Variants in DDR1 observed in about 807,000 individuals in gnomAD.
The protein encoded by DDR1 is discoidin domain receptor tyrosine kinase 1.
A neutral mutation model predicts 97.4 loss-of-function variants in DDR1; 64 were observed. The observed-to-expected ratio is 0.66, with a 90% CI of 0.54 to 0.81. The LOEUF (loss-of-function observed/expected upper bound fraction) is 0.81. Ranked by LOEUF, DDR1 falls within the 30% of genes least tolerant of loss-of-function variation. The pLI is 0.00. For synonymous variants in DDR1, 458 were observed against 503.7 expected (o/e 0.91, Z 1.21); for missense variants, 990 against 1,259.6 (o/e 0.79, Z 3.24).
At chr6:30,896,173 G>C (rs1790682253) in intron 12 of DDR1, among the ~76,000 whole-genome samples, 1 of 151,644 alleles carries the variant, frequency 6.6e-6, no homozygotes, top group South Asian at 2.1e-4. Context: ...CCCAGGGGGA[G>C]CCAGGCTGAA....
chr6:30,892,610 G>A (rs1425214855), intron 8 of DDR1, 68 bp downstream of exon 8: 1 of 1,500,306 alleles, frequency 6.7e-7, no homozygotes. Flanking sequence ...TAACCCTGCA[G>A]TGTCCCTAAA....
intron 8 of DDR1, 50 bp from the exon 9 acceptor site, chr6:30,893,018 G>C (rs375731129): frequency 6.6e-7 from 1 of 1,511,296 alleles, no homozygotes; most frequent in Non-Finnish European, 9.1e-7. Context: ...GCCTCCCTTG[G>C]GTCTCCTCCT....
Position 30,888,993 on chromosome 6 carries a change from T to G in DDR1, c.171T>G (p.Thr57=). The G allele has an allele frequency of 6.2e-7, 1 of 1,612,736 alleles. No individual in the cohort carries two copies. Among genetic ancestry groups the G allele is most frequent in the Non-Finnish European group, 8.5e-7 (1 of 1,179,934 alleles). ...CTTCCAGCTCCTGGTCAGATTCCACTGCCGCCCGCCACAGCAGGTACTTGG... is the reference window on the plus strand; with the variant it reads ...CTTCCAGCTCCTGGTCAGATTCCACGGCCGCCCGCCACAGCAGGTACTTGG... ...ISASSSWSDS[T]AARHSRLESS... Residue 57 remains threonine, a synonymous_variant, in exon 3 of 18, where the codon ACT becomes ACG. Transcript: ENST00000376568. This position sits in a 1 kb window ranked among gnomAD's most constrained non-coding sequence, Gnocchi z 4.2.
In DDR1 at chr6:30,897,384, A is replaced by G; in HGVS notation, c.2003A>G (p.Asp668Gly). ...AGCTTCTCCTTGTTCTCCAGGAATG[A>G]TTTCCTGAAAGAGGTGAAGATCATG... ...RPDATKNARN[D>G]FLKEVKIMSR... The change falls in exon 15 of 18, where the codon GAT becomes GGT. Residue 668 changes from aspartate (D) to glycine (G), a missense_variant. Asp to Gly is a moderately conservative substitution (Grantham distance 94). Transcript: ENST00000376568. This position sits in a 1 kb window ranked among gnomAD's most constrained non-coding sequence, Gnocchi z 5.2. The G allele has an allele frequency of 6.2e-7, 1 of 1,613,960 alleles. No homozygotes were observed. Among genetic ancestry groups the G allele is most frequent in the Non-Finnish European group, 8.5e-7 (1 of 1,179,988 alleles).
At chr6:30,885,443 C>T (rs2150231952) in intron 1 of DDR1, 1 of 846,460 alleles carries the variant, frequency 1.2e-6, no homozygotes, top group Non-Finnish European at 1.8e-6. Context: ...TATTGCCACT[C>T]TTCCCACCCA....
intron 12 of DDR1, among the ~76,000 whole-genome samples, 190 bp from the exon 13 acceptor site, chr6:30,896,429 TAA>T (rs1212933619): frequency 6.6e-6 from 1 of 152,100 alleles, no homozygotes; most frequent in Non-Finnish European, 1.5e-5. Context: ...CTGGAATAGC[TAA>T]CTCTCGTCCC....
rs1279748384 is a variant in DDR1, at chr6:30,900,146, G to A, written c.*850G>A. ...CTAGGCAGGTAATAATAAAGGTTGAGTTTTCCACAACTGTGTGAGTGGGTT... is the reference window on the plus strand; with the variant it reads ...CTAGGCAGGTAATAATAAAGGTTGAATTTTCCACAACTGTGTGAGTGGGTT... On this transcript the variant is annotated 3_prime_UTR_variant, in exon 18 of 18. Transcript: ENST00000376568. 1 of 568,918 alleles carries A rather than the reference G, an allele frequency of 1.8e-6. No homozygotes were observed. The highest frequency in any genetic ancestry group is 1.8e-5 in the African/African-American group (1 of 54,276). 35.2% of individuals were successfully genotyped at this position (568,918 alleles called of 1,614,324 possible).
intron 16 of DDR1, 117 bp from the exon 17 acceptor site, chr6:30,898,771 A>G (rs1791867772): frequency 9.0e-7 from 1 of 1,105,786 alleles, no homozygotes; most frequent in African/African-American, 1.6e-5. Flanking sequence ...GCCTGGCGTC[A>G]GGAGGGATCA....
rs2150480057 is a variant in DDR1 at position 30,899,137 on chromosome 6, C to T, written c.2602-19C>T. 1 of 1,614,194 alleles carries T rather than the reference C, an allele frequency of 6.2e-7. No homozygotes were observed. Among genetic ancestry groups the T allele is most frequent in the Non-Finnish European group, 8.5e-7 (1 of 1,180,010 alleles). Reference sequence around the variant, plus strand: ...AGAATATTTGTTCCCTGACTCTCATCCACACTGCCACAATGCAGGTGTACC... The same window carrying T: ...AGAATATTTGTTCCCTGACTCTCATTCACACTGCCACAATGCAGGTGTACC... On this transcript the variant is annotated intron_variant, in intron 17 of 17. Coordinates refer to ENST00000376568, the MANE Select transcript of DDR1 (RefSeq NM_001297654.2).
chr6:30,898,221 C>G lies in DDR1; in HGVS notation c.2365C>G (p.Arg789Gly). The G allele has an allele frequency of 1.2e-6, 2 of 1,614,228 alleles. No individual in the cohort carries two copies. The highest frequency in any genetic ancestry group is 1.7e-6 in the Non-Finnish European group (2 of 1,180,042). Residue 789 changes from arginine (R) to glycine (G), a missense_variant, in exon 16 of 18, where the codon CGG becomes GGG. Coordinates refer to ENST00000376568, the MANE Select transcript of DDR1 (RefSeq NM_001297654.2). Reference sequence around the variant, plus strand: ...CAAAATCGCAGACTTTGGCATGAGCCGGAACCTCTATGCTGGGGACTATTA... The same window carrying G: ...CAAAATCGCAGACTTTGGCATGAGCGGGAACCTCTATGCTGGGGACTATTA... Reference protein sequence around the residue: ...TIKIADFGMSRNLYAGDYYRV... With the variant: ...TIKIADFGMSGNLYAGDYYRV...
chr6:30,897,352 C>A lies in DDR1; in HGVS notation c.1998-27C>A. ...AGGTGCAGGCCGCCCACTCGGCATT[C>A]CTCTTCAGCTTCTCCTTGTTCTCCA... On this transcript the variant is annotated intron_variant, in intron 14 of 17. Transcript: ENST00000376568. This position sits in a 1 kb window ranked among gnomAD's most constrained non-coding sequence, Gnocchi z 5.2. 1 of 1,612,594 alleles carries A rather than the reference C, an allele frequency of 6.2e-7. No homozygotes were observed. Among genetic ancestry groups the A allele is most frequent in the Non-Finnish European group, 8.5e-7 (1 of 1,179,340 alleles).
chr6:30,887,840 T>C lies in DDR1; in HGVS notation c.-42-848T>C, dbSNP rs1786463545. On this transcript the variant is annotated intron_variant, in intron 1 of 17. Transcript: ENST00000376568. ...GTCTCTAACTCCTGGCCTCAAGTGA[T>C]CCTCCCATCTCGGCCTCCCAAAGTG... Among the ~76,000 whole-genome samples, 3 of 152,184 alleles carry C rather than the reference T, an allele frequency of 2.0e-5. No homozygotes were observed. In the South Asian group the frequency reaches 6.2e-4, roughly 31 times the overall value.
In DDR1 at chr6:30,892,076, T is replaced by C. The variant is rs144675593; in HGVS notation, c.740T>C (p.Leu247Pro). The C allele has an allele frequency of 2.4e-5, 39 of 1,614,146 alleles. No individual in the cohort carries two copies. In the African/African-American group the frequency reaches 4.9e-4, roughly 20 times the overall value. ...GLDDFRKSQE[L>P]RVWPGYDYVG... ...GATGACTTTAGGAAGAGTCAGGAGC[T>C]GCGGGTCTGGCCAGGCTATGACTAT... Residue 247 changes from leucine to proline, a missense_variant, in exon 7 of 18, where the codon CTG becomes CCG. Physicochemically the swap from Leu to Pro is moderately conservative, Grantham distance 98 (BLOSUM62 -3). Coordinates refer to ENST00000376568, the MANE Select transcript of DDR1 (RefSeq NM_001297654.2).
chr6:30,885,768 G>A (rs1562365610), intron 1 of DDR1: 2 of 1,292,296 alleles, frequency 1.5e-6, no homozygotes, highest in Non-Finnish European at 2.0e-6. Flanking sequence ...TGAGAGGTGG[G>A]TGTGTGCATG....
intron 11 of DDR1, 30 bp from the exon 12 acceptor site, chr6:30,895,374 C>G: frequency 6.4e-7 from 1 of 1,557,598 alleles, no homozygotes; most frequent in Non-Finnish European, 8.8e-7. Context: ...CATCCCTTCC[C>G]CGTGTTTCCC....
Position 30,891,171 on chromosome 6 carries a change from G to T in DDR1, c.565+51G>T. 6.2e-7 allele frequency: 1 copy of T among 1,606,518 alleles called. No individual in the cohort carries two copies. The highest frequency in any genetic ancestry group is 8.5e-7 in the Non-Finnish European group (1 of 1,177,460). On this transcript the variant is annotated intron_variant, in intron 5 of 17. Transcript: ENST00000376568. The surrounding 1 kb of genome is among the most constrained non-coding windows in gnomAD (Gnocchi z 5.3). ...CTGTTTCCTGAGCAGGGGACTGGAG[G>T]GTGGGGAGTGTGGAGAATGGGCATC...
chr6:30,892,270 C>T (rs764867044), intron 7 of DDR1, 26 bp from the exon 8 acceptor site: 1 of 1,587,072 alleles, frequency 6.3e-7, no homozygotes, highest in African/African-American at 1.3e-5. Flanking sequence ...TAGCCTTGAC[C>T]CTGTGCCCTC....
Position 30,894,761 on chromosome 6 carries a change from C to T in DDR1, c.1513+90C>T. Reference sequence around the variant, plus strand: ...CCCATTCTCTTTTTTTCCTGTCTTCCCCAGTTTCCACTTGTTTTCTTCTTT... The same window carrying T: ...CCCATTCTCTTTTTTTCCTGTCTTCTCCAGTTTCCACTTGTTTTCTTCTTT... On this transcript the variant is annotated intron_variant, in intron 11 of 17. Transcript: ENST00000376568. This position sits in a 1 kb window ranked among gnomAD's most constrained non-coding sequence, Gnocchi z 5.7. 6 of 1,393,922 alleles carry T rather than the reference C, an allele frequency of 4.3e-6. No homozygotes were observed. Among genetic ancestry groups the T allele is most frequent in the Non-Finnish European group, 4.8e-6 (5 of 1,041,800 alleles). The allele number at this position is 1,393,922 out of a possible 1,614,324, so 86.3% of individuals were successfully genotyped here.
In DDR1 at chr6:30,899,215, C is replaced by G. The variant is rs1288623106; in HGVS notation, c.2661C>G (p.Cys887Trp). The change falls in exon 18 of 18, where the codon TGC (cysteine) becomes TGG (tryptophan). Residue 887 changes from cysteine (C) to tryptophan (W), a missense_variant. Coordinates refer to ENST00000376568, the MANE Select transcript of DDR1 (RefSeq NM_001297654.2). ...GCCTATATGAGCTGATGCTTCGGTG[C>G]TGGAGCCGGGAGTCTGAGCAGCGAC... ...PQGLYELMLRCWSRESEQRPP... is the reference protein window; with the variant it reads ...PQGLYELMLRWWSRESEQRPP... The G allele has an allele frequency of 1.2e-6, 2 of 1,614,206 alleles. No individual in the cohort carries two copies. Among genetic ancestry groups the G allele is most frequent in the Non-Finnish European group, 8.5e-7 (1 of 1,180,032 alleles).
Sources: allele counts gnomAD v4.1 joint callset (sites outside exome capture counted in the v4.1 genomes callset), GRCh38; gene constraint gnomAD v4.1.1; non-coding constraint Gnocchi (gnomAD v3.1); transcripts MANE v1.5; gene names NCBI Gene and HGNC (gene_info 2026-07-23, HGNC 2026-07-21).